The following RANBP17 variants were observed in gnomAD, a reference collection of about 807,000 sequenced individuals.
RANBP17 encodes ran-binding protein 17.
A neutral mutation model predicts 141.2 loss-of-function variants in RANBP17; 158 were observed. That is an observed-to-expected ratio of 1.12 (90% CI 0.98 to 1.28). The LOEUF (loss-of-function observed/expected upper bound fraction) is 1.28. RANBP17 is among the 50% of genes most tolerant of loss of function. The probability of loss-of-function intolerance (pLI) is 0.00; values close to 1 mark genes in which losing one functional copy is unlikely to be tolerated. For synonymous variants in RANBP17, 430 were observed against 450.0 expected (o/e 0.96, Z 0.56); for missense variants, 1,438 against 1,290.7 (o/e 1.11, Z -1.75).
chr5:171,065,942 C>A (rs1784286917), intron 14 of RANBP17, among the ~76,000 whole-genome samples: 1 of 151,786 alleles, frequency 6.6e-6, no homozygotes, highest in Non-Finnish European at 1.5e-5. Flanking sequence ...TGCACTGCAG[C>A]CTCTGCCTCC....
rs559369025 is a variant in RANBP17 at position 170,956,669 on chromosome 5, C to T, written c.1574+2967C>T. ...TTCTCCATGTTGGTCAGGCTGGTCT[C>T]GAACTCTTGACCTCGGGTGATCTGC... On this transcript the variant is annotated intron_variant, in intron 13 of 27. Coordinates refer to ENST00000523189, the MANE Select transcript of RANBP17 (RefSeq NM_022897.5). 7.9e-5 allele frequency among the ~76,000 whole-genome samples: 12 copies of T among 151,848 alleles called. No individual in the cohort carries two copies. In the East Asian group the frequency reaches 9.9e-4, roughly 13 times the overall value.
chr5:170,965,883 C>T (rs1776522472), intron 13 of RANBP17, among the ~76,000 whole-genome samples: 1 of 152,126 alleles, frequency 6.6e-6, no homozygotes, highest in Non-Finnish European at 1.5e-5. Context: ...GTGACACAGG[C>T]TCTTTTTTGG....
intron 13 of RANBP17, among the ~76,000 whole-genome samples, chr5:170,955,180 G>A (rs557021152): frequency 6.6e-6 from 1 of 152,196 alleles, no homozygotes; most frequent in East Asian, 1.9e-4. Context: ...TGCCAAAAAG[G>A]TTGGGGACCA....
At chr5:170,913,698 T>C (rs974276243) in intron 7 of RANBP17, among the ~76,000 whole-genome samples, 17 of 152,154 alleles carry the variant, frequency 1.1e-4, no homozygotes, top group Admixed American at 3.3e-4. Context: ...CACACTGTAA[T>C]AGGAATGCAG....
At chr5:171,073,332 T>A (rs1222699459) in intron 14 of RANBP17, among the ~76,000 whole-genome samples, 1 of 152,176 alleles carries the variant, frequency 6.6e-6, no homozygotes, top group Admixed American at 6.6e-5. Context: ...CTGGATAATG[T>A]AAGACTAAAG....
rs184834961 is a variant in RANBP17, at chr5:171,206,852, T to G, written c.2231+1240T>G. On this transcript the variant is annotated intron_variant, in intron 20 of 27. Transcript: ENST00000523189. ...CAGAGAAGGGTTACAGATAAAATTT[T>G]TATGTCATTGAGTAATCATGCACAT... The G allele has an allele frequency of 2.0e-4, 37 of 183,204 alleles. No individual in the cohort carries two copies. The East Asian group carries it at 2.7e-3, about 13-fold the overall frequency. 11.3% of individuals were successfully genotyped at this position (183,204 alleles called of 1,614,324 possible). A position where few individuals can be genotyped will look rare whatever the true frequency, so the allele number is the denominator to read the frequency against.
intron 25 of RANBP17, among the ~76,000 whole-genome samples, chr5:171,292,890 C>G (rs1581196278): frequency 6.6e-6 from 1 of 152,178 alleles, no homozygotes; most frequent in Non-Finnish European, 1.5e-5. Context: ...AAACATATCA[C>G]TAGCTCCCCA....
At chr5:171,249,574 T>A (rs1436081609) in intron 24 of RANBP17, among the ~76,000 whole-genome samples, 1 of 152,038 alleles carries the variant, frequency 6.6e-6, no homozygotes, top group Non-Finnish European at 1.5e-5. Flanking sequence ...TTTAAATAAA[T>A]AAATAAATAG....
intron 14 of RANBP17, among the ~76,000 whole-genome samples, chr5:171,026,236 C>T (rs1181253107): frequency 6.6e-6 from 1 of 152,198 alleles, no homozygotes; most frequent in Non-Finnish European, 1.5e-5. Flanking sequence ...AGGCTACATA[C>T]ACAATCTTAT....
intron 14 of RANBP17, among the ~76,000 whole-genome samples, chr5:171,005,605 A>C (rs192403104): frequency 0.029 from 4,379 of 152,324 alleles, 204 homozygotes; most frequent in African/African-American, 0.097. Context: ...AAGATGGATT[A>C]AAGACTTACA....
chr5:171,011,753 C>G (rs1356076394), intron 14 of RANBP17, among the ~76,000 whole-genome samples: 1 of 151,756 alleles, frequency 6.6e-6, no homozygotes, highest in East Asian at 1.9e-4. Context: ...ACTATGATTA[C>G]ACTCAAATGT....
intron 14 of RANBP17, among the ~76,000 whole-genome samples, chr5:170,969,340 C>A (rs1429979365): frequency 6.6e-6 from 1 of 151,586 alleles, no homozygotes; most frequent in Non-Finnish European, 1.5e-5. Context: ...TTAGCTGCCA[C>A]CAAATGAGAC....
At chr5:170,949,153 G>C (rs1050855645) in intron 12 of RANBP17, among the ~76,000 whole-genome samples, 5 of 152,028 alleles carry the variant, frequency 3.3e-5, no homozygotes, top group African/African-American at 1.2e-4. Context: ...TTTGGGTTGG[G>C]CAGCTATTTC....
At chr5:171,108,517 G>A (rs1391309638) in intron 14 of RANBP17, among the ~76,000 whole-genome samples, 3 of 151,978 alleles carry the variant, frequency 2.0e-5, no homozygotes, top group African/African-American at 4.8e-5. Flanking sequence ...GGTTCAAGCC[G>A]TCCTCCTACC....
At position 170,889,989 on chromosome 5, in the gene RANBP17, A is replaced by AT. The variant is rs944889938; in HGVS notation, c.257-2390dup. ...AAAGTAACAGAAACATATTCTAGTG[A>AT]TTTTTTTTCCCTGCCTTAGATAATG... is the stretch of plus-strand genomic sequence containing the variant. On this transcript the variant is annotated intron_variant, in intron 3 of 27. Coordinates refer to ENST00000523189, the MANE Select transcript of RANBP17 (RefSeq NM_022897.5). 4.6e-5 allele frequency among the ~76,000 whole-genome samples: 7 copies of AT among 151,874 alleles called. 1 individual carries two copies. The highest frequency in any genetic ancestry group is 6.3e-3 in the Middle Eastern group (2 of 316).
At chr5:170,919,672 A>G in intron 11 of RANBP17, 59 bp downstream of exon 11, 1 of 1,330,344 alleles carries the variant, frequency 7.5e-7, no homozygotes, top group Non-Finnish European at 1.0e-6. Flanking sequence ...ATTTTTTAAG[A>G]TAAAGTTATA....
At chr5:171,258,491 G>C (rs1766072296) in intron 24 of RANBP17, among the ~76,000 whole-genome samples, 1 of 152,002 alleles carries the variant, frequency 6.6e-6, no homozygotes, top group African/African-American at 2.4e-5. Flanking sequence ...ATATTACAAG[G>C]CTATAGTAAC....
chr5:170,984,364 C>A (rs1777976414), intron 14 of RANBP17, among the ~76,000 whole-genome samples: 1 of 152,138 alleles, frequency 6.6e-6, no homozygotes, highest in Non-Finnish European at 1.5e-5. Flanking sequence ...CAGTGGCTCA[C>A]CCCTGTAATC....
intron 14 of RANBP17, among the ~76,000 whole-genome samples, chr5:170,969,710 T>C (rs1776850811): frequency 6.6e-6 from 1 of 152,036 alleles, no homozygotes; most frequent in Non-Finnish European, 1.5e-5. Context: ...GTTTTAGGGC[T>C]ATGGGATTTC....
Sources: allele counts gnomAD v4.1 joint callset (sites outside exome capture counted in the v4.1 genomes callset), GRCh38; gene constraint gnomAD v4.1.1; transcripts MANE v1.5; gene names NCBI Gene and HGNC (gene_info 2026-07-23, HGNC 2026-07-21).